The following AREL1 variants were observed in gnomAD, a reference collection of about 807,000 sequenced individuals.
AREL1 encodes the protein apoptosis resistant E3 ubiquitin protein ligase 1.
AREL1 carries 62 observed loss-of-function variants against 99.0 expected under a neutral mutation model. The observed-to-expected ratio is 0.63, with a 90% CI of 0.51 to 0.77. The LOEUF (loss-of-function observed/expected upper bound fraction) is 0.77, where lower values mean the gene tolerates loss of function less well. AREL1 is among the 30% of genes least tolerant of loss of function. AREL1 has a pLI of 0.00. For synonymous variants in AREL1, 380 were observed against 376.5 expected, an observed-to-expected ratio of 1.01 and a Z score of -0.11; for missense variants, 879 against 1,027.6, an observed-to-expected ratio of 0.86 and a Z score of 1.98.
chr14:74,681,778 G>GA (rs1294500748), intron 5 of AREL1, among the ~76,000 whole-genome samples: 270 of 128,400 alleles, frequency 2.1e-3, no homozygotes, highest in South Asian at 0.017. Flanking sequence ...AAAAAAAAAA[G>GA]AAAAAAAAAA....
rs1186550216 is a variant in AREL1 at position 74,705,179 on chromosome 14, A to G, written c.-334+7754T>C. On this transcript the variant is annotated intron_variant, in intron 1 of 19. Coordinates refer to ENST00000356357, the MANE Select transcript of AREL1 (RefSeq NM_001039479.2). ...CTCGGCCTCCCAAGTAGCTGGGATT[A>G]TAGGCATGCGTCACCACGCCCAGCT... is the stretch of plus-strand genomic sequence containing the variant. Among the ~76,000 whole-genome samples the G allele has an allele frequency of 2.0e-5, 3 of 152,046 alleles. No homozygotes were observed. The East Asian group carries it at 5.8e-4, about 29-fold the overall frequency.
chr14:74,692,293 A>C lies in AREL1; in HGVS notation c.-298T>G, dbSNP rs986583161. ...TCATTCCTGGACTTCTCTCTAGTGC[A>C]GGGTGCAATCGACTGCCAAAGGACG... On this transcript the variant is annotated 5_prime_UTR_variant, in exon 2 of 20. Transcript: ENST00000356357. 8.8e-6 allele frequency: 4 copies of C among 456,008 alleles called. No individual in the cohort carries two copies. Among genetic ancestry groups the C allele is most frequent in the Non-Finnish European group, 1.8e-5 (4 of 226,810 alleles). 28.2% of individuals were successfully genotyped at this position (456,008 alleles called of 1,614,324 possible). A position where few individuals can be genotyped will look rare whatever the true frequency, so the allele number is the denominator to read the frequency against.
chr14:74,678,567 C>G (rs1417128325), intron 5 of AREL1, among the ~76,000 whole-genome samples: 1 of 151,230 alleles, frequency 6.6e-6, no homozygotes, highest in Non-Finnish European at 1.5e-5. Flanking sequence ...GGGATAGGTA[C>G]ACAGATTAAT....
At position 74,663,732 on chromosome 14, in the gene AREL1, A is replaced by T; in HGVS notation, c.2460T>A (p.Phe820Leu). Reference sequence around the variant, plus strand: ...GACAGGAGAGTGGTCAGAGCATGCCAAAGCCCTCGCAACCCTCGCTGATGG... The same window carrying T: ...GACAGGAGAGTGGTCAGAGCATGCCTAAGCCCTCGCAACCCTCGCTGATGG... ...QLAISEGCEG[F>L]GML The change falls in exon 20 of 20, where the codon TTT becomes TTA. Residue 820 changes from phenylalanine (F) to leucine (L), a missense_variant. Coordinates refer to ENST00000356357, the MANE Select transcript of AREL1 (RefSeq NM_001039479.2). The T allele has an allele frequency of 6.2e-7, 1 of 1,614,044 alleles. No individual in the cohort carries two copies. Among genetic ancestry groups the T allele is most frequent in the Non-Finnish European group, 8.5e-7 (1 of 1,180,030 alleles).
At chr14:74,676,502 T>C (rs893903427) in intron 6 of AREL1, 81 bp downstream of exon 6, 8 of 1,490,528 alleles carry the variant, frequency 5.4e-6, no homozygotes, top group African/African-American at 2.8e-5. Context: ...GAAAGAGAGA[T>C]CGAAGTGAAT....
At chr14:74,680,070 G>C (rs1162188922) in intron 5 of AREL1, among the ~76,000 whole-genome samples, 1 of 151,856 alleles carries the variant, frequency 6.6e-6, no homozygotes, top group Non-Finnish European at 1.5e-5. Flanking sequence ...CAGCTACTCA[G>C]GAGGCTGACA....
intron 5 of AREL1, among the ~76,000 whole-genome samples, chr14:74,679,284 G>A (rs1754954413): frequency 6.6e-6 from 1 of 152,102 alleles, no homozygotes; most frequent in South Asian, 2.1e-4. Flanking sequence ...TTAGCCAGGT[G>A]TGGTGGCACA....
chr14:74,681,530 T>G (rs551539633), intron 5 of AREL1, among the ~76,000 whole-genome samples: 1 of 151,820 alleles, frequency 6.6e-6, no homozygotes, highest in Admixed American at 6.5e-5. Flanking sequence ...ATCCCAGCAC[T>G]TTGGGAGGCT....
chr14:74,664,448 C>CTTTTTTTTTTTT (rs56728679), intron 18 of AREL1, among the ~76,000 whole-genome samples: 2 of 76,896 alleles, frequency 2.6e-5, no homozygotes, highest in Non-Finnish European at 4.8e-5. Context: ...CTTTTCCTTT[C>CTTTTTTTTTTTT]TTTTTTTTTT....
At position 74,663,741 on chromosome 14, in the gene AREL1, G is replaced by A. The variant is rs369161965; in HGVS notation, c.2451C>T (p.Cys817=). The change falls in exon 20 of 20, where the codon TGC becomes TGT. Residue 817 remains cysteine (C), a synonymous_variant. Coordinates refer to ENST00000356357, the MANE Select transcript of AREL1 (RefSeq NM_001039479.2). ...RMLQLAISEG[C]EGFGML Reference sequence around the variant, plus strand: ...GTGGTCAGAGCATGCCAAAGCCCTCGCAACCCTCGCTGATGGCCAGCTGCA... The same window carrying A: ...GTGGTCAGAGCATGCCAAAGCCCTCACAACCCTCGCTGATGGCCAGCTGCA... 1.1e-5 allele frequency: 17 copies of A among 1,613,940 alleles called. No homozygotes were observed. Among genetic ancestry groups the A allele is most frequent in the African/African-American group, 8.0e-5 (6 of 74,914 alleles).
intron 2 of AREL1, among the ~76,000 whole-genome samples, chr14:74,685,976 G>A (rs1174700952): frequency 6.6e-6 from 1 of 152,188 alleles, no homozygotes; most frequent in Non-Finnish European, 1.5e-5. Flanking sequence ...TCCCAAGACA[G>A]TTTCCCTCCC....
At chr14:74,712,853 C>A (rs2090340745) in intron 1 of AREL1, 80 bp downstream of exon 1, 1 of 471,238 alleles carries the variant, frequency 2.1e-6, no homozygotes. Flanking sequence ...AACCCCCCTA[C>A]CCTTTTCCTC....
intron 1 of AREL1, among the ~76,000 whole-genome samples, chr14:74,699,307 A>G (rs1015293007): frequency 6.6e-6 from 1 of 151,524 alleles, no homozygotes; most frequent in East Asian, 1.9e-4. Flanking sequence ...TTCAAAGTTA[A>G]CTGGCATGTC....
chr14:74,685,572 A>G, intron 3 of AREL1, 28 bp downstream of exon 3: 1 of 1,613,674 alleles, frequency 6.2e-7, no homozygotes, highest in Non-Finnish European at 8.5e-7. Context: ...ACAAAAATAT[A>G]ATAGAGAGAG....
intron 15 of AREL1, among the ~76,000 whole-genome samples, chr14:74,669,123 G>A (rs1319577004): frequency 1.3e-5 from 2 of 152,112 alleles, no homozygotes; most frequent in African/African-American, 2.4e-5. Flanking sequence ...TTGAACTCCT[G>A]GTCTCAAGCC....
At chr14:74,697,103 C>A (rs1175908487) in intron 1 of AREL1, among the ~76,000 whole-genome samples, 1 of 152,154 alleles carries the variant, frequency 6.6e-6, no homozygotes, top group Non-Finnish European at 1.5e-5. Context: ...TGTGATCACA[C>A]CACACCACTG....
chr14:74,694,195 T>C (rs1307097373), intron 1 of AREL1, among the ~76,000 whole-genome samples: 5 of 151,588 alleles, frequency 3.3e-5, no homozygotes, highest in African/African-American at 1.2e-4. Flanking sequence ...AATAAATAAA[T>C]AAATAAATAA....
At chr14:74,676,792 ATTTT>A in intron 5 of AREL1, 40 bp from the exon 6 acceptor site, 1 of 1,424,894 alleles carries the variant, frequency 7.0e-7, no homozygotes, top group South Asian at 1.5e-5. Flanking sequence ...TATTTATTTT[ATTTT>A]TTTATTTTTA....
intron 1 of AREL1, among the ~76,000 whole-genome samples, chr14:74,703,768 T>C (rs571419437): frequency 6.6e-6 from 1 of 152,352 alleles, no homozygotes; most frequent in South Asian, 2.1e-4. Context: ...ACATCCAGTT[T>C]GGTGGTATCA....
Sources: gnomAD v4.1 joint callset for allele counts (sites outside exome capture counted in the v4.1 genomes callset) on GRCh38, gnomAD v4.1.1 for gene constraint, MANE v1.5 for transcripts, NCBI Gene and HGNC (gene_info 2026-07-23, HGNC 2026-07-21) for gene names.